STAU1: variants seen among roughly 807,000 people sequenced by gnomAD.
STAU1 encodes the protein staufen double-stranded RNA binding protein 1, also known as double-stranded RNA-binding protein Staufen homolog 1.
Under a neutral mutation model 62.9 loss-of-function variants are expected in STAU1, and 13 were observed. The ratio of observed to expected loss-of-function variants is 0.21; its 90% CI spans 0.13 to 0.33. The LOEUF is 0.33. Ranked by LOEUF, STAU1 falls within the 10% of genes least tolerant of loss-of-function variation. The pLI, the probability that STAU1 is intolerant of heterozygous loss-of-function variation, is 1.00. For synonymous variants in STAU1, 269 were observed against 265.1 expected (o/e 1.01, Z -0.14); for missense variants, 571 against 712.1 (o/e 0.80, Z 2.25).
intron 6 of STAU1, among the ~76,000 whole-genome samples, chr20:49,124,906 A>G (rs1194106407): frequency 1.3e-5 from 2 of 152,002 alleles, no homozygotes; most frequent in African/African-American, 2.4e-5. Flanking sequence ...AAGCTAGCCC[A>G]GCAAAGTCCA....
At chr20:49,180,332 TC>T (rs3091763) in intron 1 of STAU1, among the ~76,000 whole-genome samples, 1 of 146,674 alleles carries the variant, frequency 6.8e-6, no homozygotes, top group Non-Finnish European at 1.5e-5. Flanking sequence ...TTTTTTTTTT[TC>T]CCCCCCTGGA....
At chr20:49,115,960 C>A in intron 12 of STAU1, 93 bp from the exon 13 acceptor site, 1 of 1,025,420 alleles carries the variant, frequency 9.8e-7, no homozygotes, top group Non-Finnish European at 1.5e-6. Flanking sequence ...TTCCTGCTGC[C>A]CAGCAAACAG....
intron 5 of STAU1, among the ~76,000 whole-genome samples, chr20:49,150,698 C>T (rs1274653566): frequency 6.6e-6 from 1 of 152,080 alleles, no homozygotes; most frequent in Non-Finnish European, 1.5e-5. Context: ...TTCTATATCT[C>T]CTTCCTTTGA....
chr20:49,182,873 C>T (rs2093743553), intron 1 of STAU1, among the ~76,000 whole-genome samples: 1 of 150,782 alleles, frequency 6.6e-6, no homozygotes, highest in Non-Finnish European at 1.5e-5. Flanking sequence ...CGGTGTTCAG[C>T]ACCATGAAAC....
intron 2 of STAU1, among the ~76,000 whole-genome samples, 158 bp downstream of exon 2, chr20:49,174,037 T>C (rs1257642076): frequency 6.6e-6 from 1 of 152,206 alleles, no homozygotes; most frequent in Admixed American, 6.5e-5. Context: ...TACTTTCTAA[T>C]TAAATCAAGA....
At chr20:49,145,361 T>C (rs1165124348) in intron 5 of STAU1, among the ~76,000 whole-genome samples, 1 of 130,374 alleles carries the variant, frequency 7.7e-6, no homozygotes, top group African/African-American at 3.0e-5. Context: ...GAGGCGGAGG[T>C]TGCAGTGAGC....
chr20:49,153,514 C>T (rs181718617), intron 4 of STAU1, among the ~76,000 whole-genome samples: 2 of 149,816 alleles, frequency 1.3e-5, no homozygotes, highest in East Asian at 4.0e-4. Flanking sequence ...AAGACCACCC[C>T]AGCCAACATG....
intron 12 of STAU1, 128 bp downstream of exon 12, chr20:49,116,998 G>T: frequency 2.5e-6 from 3 of 1,212,616 alleles, no homozygotes; most frequent in Non-Finnish European, 3.5e-6. Flanking sequence ...ACTATCAAAC[G>T]ATTCATTGCT....
chr20:49,196,932 G>A, the STAU1 span, among the ~76,000 whole-genome samples: 4 of 152,064 alleles, frequency 2.6e-5, no homozygotes, highest in Non-Finnish European at 5.9e-5. Context: ...CGAGGCAGGC[G>A]GATTGCCTGA....
intron 6 of STAU1, among the ~76,000 whole-genome samples, chr20:49,125,281 C>CAAT (rs2092581979): frequency 7.1e-6 from 1 of 140,506 alleles, no homozygotes; most frequent in South Asian, 2.2e-4. Context: ...GTAATCCCAG[C>CAAT]AATTTGGGAG....
chr20:49,206,752 T>TATATATATATATATATATATA, the STAU1 span, among the ~76,000 whole-genome samples: 1 of 123,632 alleles, frequency 8.1e-6, no homozygotes, highest in Non-Finnish European at 1.7e-5. Flanking sequence ...TATATATATA[T>TATATATATATATATATATATA]TTTATTTTAT....
At chr20:49,206,567 T>G in the STAU1 span, among the ~76,000 whole-genome samples, 1 of 147,294 alleles carries the variant, frequency 6.8e-6, no homozygotes, top group African/African-American at 2.5e-5. Context: ...TGGAGTGCAG[T>G]GGCATGGTCA....
chr20:49,121,463 T>C (rs1451610656), intron 8 of STAU1, among the ~76,000 whole-genome samples: 1 of 152,122 alleles, frequency 6.6e-6, no homozygotes, highest in Non-Finnish European at 1.5e-5. Context: ...ACAACCAAAA[T>C]CTCAAATCTA....
chr20:49,157,399 A>C (rs1320051063), intron 3 of STAU1, among the ~76,000 whole-genome samples: 1 of 151,836 alleles, frequency 6.6e-6, no homozygotes, highest in Non-Finnish European at 1.5e-5. Context: ...AGCTCACTGC[A>C]GCCTCCTGGG....
At chr20:49,154,140 T>C in intron 3 of STAU1, 69 bp from the exon 4 acceptor site, 1 of 1,464,954 alleles carries the variant, frequency 6.8e-7, no homozygotes. Context: ...AAATAAAATG[T>C]AATAGCATGC....
In STAU1 at chr20:49,114,328, T is replaced by G. The variant is rs1418690920; in HGVS notation, c.*550A>C. 2.0e-5 allele frequency: 3 copies of G among 153,196 alleles called. No homozygotes were observed. The highest frequency in any genetic ancestry group is 7.3e-5 in the African/African-American group (3 of 41,378). 9.5% of individuals were successfully genotyped at this position (153,196 alleles called of 1,614,324 possible). ...AGATCACTGTTGGAAGAGAAAGCAG[T>G]GGTGATGGTGTGGGTACTGCAGGAG... On this transcript the variant is annotated 3_prime_UTR_variant, in exon 14 of 14. Coordinates refer to ENST00000371856, the MANE Select transcript of STAU1 (RefSeq NM_017453.4).
At chr20:49,124,039 C>T (rs558158460) in intron 7 of STAU1, among the ~76,000 whole-genome samples, 238 of 152,338 alleles carry the variant, frequency 1.6e-3, no homozygotes, top group Non-Finnish European at 2.9e-3. Flanking sequence ...AGAACAGCAA[C>T]ATGGTCACTG....
upstream of STAU1, among the ~76,000 whole-genome samples, chr20:49,189,509 A>G (rs2093825998): frequency 6.7e-6 from 1 of 150,188 alleles, no homozygotes; most frequent in Non-Finnish European, 1.5e-5. Context: ...AATCACAGCT[A>G]CTTGGGAGGC....
At chr20:49,182,635 G>A (rs968492284) in intron 1 of STAU1, among the ~76,000 whole-genome samples, 42 of 152,238 alleles carry the variant, frequency 2.8e-4, no homozygotes, top group African/African-American at 9.6e-4. Context: ...TCAGGAGATC[G>A]AGACCATTCT....
Sources: gnomAD v4.1 joint callset for allele counts (sites outside exome capture counted in the v4.1 genomes callset) on GRCh38, gnomAD v4.1.1 for gene constraint, MANE v1.5 for transcripts, NCBI Gene and HGNC (gene_info 2026-07-23, HGNC 2026-07-21) for gene names.